Variants in ZNF831 observed in about 807,000 individuals in gnomAD.
ZNF831 encodes the protein chromosome 20 open reading frame 174.
ZNF831 carries 59 observed loss-of-function variants against 95.8 expected under a neutral mutation model. The ratio of observed to expected loss-of-function variants is 0.62; its 90% CI spans 0.50 to 0.77. The LOEUF (loss-of-function observed/expected upper bound fraction) is 0.77. Among genes scored for constraint, ZNF831 ranks in the 30% least tolerant of loss-of-function variants. The probability of loss-of-function intolerance (pLI) is 0.00; values close to 1 mark genes in which losing one functional copy is unlikely to be tolerated. For synonymous variants in ZNF831, 961 were observed against 925.5 expected, an observed-to-expected ratio of 1.04 and a Z score of -0.70; for missense variants, 2,205 against 2,164.0, an observed-to-expected ratio of 1.02 and a Z score of -0.38.
chr20:59,238,874 G>A (rs979418127), intron 4 of ZNF831, among the ~76,000 whole-genome samples: 11 of 152,108 alleles, frequency 7.2e-5, no homozygotes, highest in Middle Eastern at 3.2e-3. Flanking sequence ...TCATAATCAC[G>A]AAGCATACTT....
At chr20:59,189,491 G>GT (rs1403849698) in intron 1 of ZNF831, among the ~76,000 whole-genome samples, 1 of 152,044 alleles carries the variant, frequency 6.6e-6, no homozygotes, top group Non-Finnish European at 1.5e-5. Context: ...CTACTTCTAT[G>GT]TTTTTTATTA....
chr20:59,237,312 T>G (rs968352803), intron 4 of ZNF831, among the ~76,000 whole-genome samples: 1 of 152,152 alleles, frequency 6.6e-6, no homozygotes, highest in African/African-American at 2.4e-5. Flanking sequence ...GGATGCTGGT[T>G]TTCTCCACAG....
At chr20:59,184,397 T>TC (rs1982846387) in intron 1 of ZNF831, among the ~76,000 whole-genome samples, 1 of 150,152 alleles carries the variant, frequency 6.7e-6, no homozygotes, top group Non-Finnish European at 1.5e-5. Flanking sequence ...TAGTTCCTCT[T>TC]CCTCCCTCCC....
At chr20:59,133,784 A>G (rs546065879) in intron 1 of ZNF831, among the ~76,000 whole-genome samples, 17 of 152,326 alleles carry the variant, frequency 1.1e-4, no homozygotes, top group African/African-American at 4.1e-4. Context: ...GCTCAGCGGC[A>G]AGGACGAGCC....
At chr20:59,219,754 A>C (rs1026054626) in intron 4 of ZNF831, among the ~76,000 whole-genome samples, 2 of 152,178 alleles carry the variant, frequency 1.3e-5, no homozygotes, top group African/African-American at 2.4e-5. Context: ...TGGAGCACTT[A>C]ACTACTATGT....
chr20:59,140,489 T>A (rs1258733497), intron 1 of ZNF831, among the ~76,000 whole-genome samples: 1 of 139,462 alleles, frequency 7.2e-6, no homozygotes, highest in East Asian at 1.9e-4. Context: ...ATCACCTGAC[T>A]ACTATTAATA....
At chr20:59,216,427 T>C (rs1985684015) in intron 4 of ZNF831, among the ~76,000 whole-genome samples, 1 of 152,196 alleles carries the variant, frequency 6.6e-6, no homozygotes, top group Admixed American at 6.5e-5. Flanking sequence ...TCTTATTGAT[T>C]GATTGACTGA....
At chr20:59,190,798 G>A (rs949092425) in intron 1 of ZNF831, among the ~76,000 whole-genome samples, 186 bp from the exon 2 acceptor site, 1 of 152,166 alleles carries the variant, frequency 6.6e-6, no homozygotes, top group South Asian at 2.1e-4. Flanking sequence ...AAGTTACTTC[G>A]CTGTCTGAGC....
chr20:59,158,129 C>A (rs1246991712), intron 2 of ZNF831, among the ~76,000 whole-genome samples: 1 of 152,222 alleles, frequency 6.6e-6, no homozygotes, highest in East Asian at 1.9e-4. Context: ...CCCTGCTCTC[C>A]TCTGGCTTTG....
At chr20:59,178,935 C>T (rs555945054) in intron 1 of ZNF831, among the ~76,000 whole-genome samples, 4 of 152,196 alleles carry the variant, frequency 2.6e-5, no homozygotes, top group Admixed American at 1.3e-4. Flanking sequence ...CTTTTAAACA[C>T]TCTATCAAAT....
At position 59,254,917 on chromosome 20, in the gene ZNF831, G is replaced by T; in HGVS notation, c.*174G>T. 1.2e-6 allele frequency: 1 copy of T among 821,276 alleles called. No homozygotes were observed. Among genetic ancestry groups the T allele is most frequent in the Non-Finnish European group, 1.9e-6 (1 of 539,516 alleles). The allele number at this position is 821,276 out of a possible 1,614,324, so 50.9% of individuals were successfully genotyped here. On this transcript the variant is annotated 3_prime_UTR_variant, in exon 6 of 6. Transcript: ENST00000371030. This position sits in a 1 kb window ranked among gnomAD's most constrained non-coding sequence, Gnocchi z 4.5. ...CCAACTTCTGACCCCCAACTCAGCC[G>T]CAGCGTTCCCCAGCTCCCCTTGGGA...
rs761387353 is a variant in ZNF831, at chr20:59,192,574, C to T, written c.1555C>T (p.Pro519Ser). ...CGAGGGCTCCAGGACGTGGCTGGAG[C>T]CCAGGGAGCCCCGGGACCCCTGGTC... ...FVEGSRTWLEPREPRDPWSRT... is the reference protein window; with the variant it reads ...FVEGSRTWLESREPRDPWSRT... Residue 519 changes from proline to serine, a missense_variant, in exon 2 of 6, where the codon CCC becomes TCC. Transcript: ENST00000371030. This position sits in a 1 kb window ranked among gnomAD's most constrained non-coding sequence, Gnocchi z 5.2. 1.3e-6 allele frequency: 2 copies of T among 1,516,132 alleles called. No individual in the cohort carries two copies. Among genetic ancestry groups the T allele is most frequent in the Non-Finnish European group, 1.8e-6 (2 of 1,135,648 alleles). 93.9% of individuals were successfully genotyped at this position (1,516,132 alleles called of 1,614,324 possible).
intron 1 of ZNF831, among the ~76,000 whole-genome samples, chr20:59,143,257 A>G (rs898119285): frequency 5.9e-5 from 9 of 152,196 alleles, no homozygotes; most frequent in African/African-American, 2.2e-4. Flanking sequence ...GCTCAAATAC[A>G]CAACCATTGC....
intron 4 of ZNF831, among the ~76,000 whole-genome samples, chr20:59,249,561 G>A (rs1987784053): frequency 6.6e-6 from 1 of 152,160 alleles, no homozygotes; most frequent in Admixed American, 6.5e-5. Context: ...AGGGGCCCAG[G>A]ATGTGGTTGT....
intron 1 of ZNF831, among the ~76,000 whole-genome samples, chr20:59,125,681 G>A (rs1979150981): frequency 6.6e-6 from 1 of 152,160 alleles, no homozygotes; most frequent in African/African-American, 2.4e-5. Flanking sequence ...AAAAGCTCAG[G>A]GAGGAAGGTG....
chr20:59,209,494 A>T (rs1465223523), intron 4 of ZNF831, among the ~76,000 whole-genome samples: 2 of 152,164 alleles, frequency 1.3e-5, no homozygotes, highest in Non-Finnish European at 2.9e-5. Flanking sequence ...GGTCAAGAAG[A>T]GGGAACATGG....
chr20:59,222,417 G>A (rs904660671), intron 4 of ZNF831, among the ~76,000 whole-genome samples: 1 of 152,120 alleles, frequency 6.6e-6, no homozygotes, highest in Non-Finnish European at 1.5e-5. Flanking sequence ...CAAAGCCCGG[G>A]CCCCCTCCGC....
intron 1 of ZNF831, among the ~76,000 whole-genome samples, chr20:59,180,066 A>G (rs1982494267): frequency 6.6e-6 from 1 of 152,028 alleles, no homozygotes; most frequent in African/African-American, 2.4e-5. Flanking sequence ...CTCATAAACA[A>G]TATCTGGCTT....
chr20:59,131,308 G>A (rs1006281412), intron 1 of ZNF831, among the ~76,000 whole-genome samples: 2 of 152,166 alleles, frequency 1.3e-5, no homozygotes. Flanking sequence ...CGGAGGACAG[G>A]AACCACACTC....
Sources: allele counts gnomAD v4.1 joint callset (sites outside exome capture counted in the v4.1 genomes callset), GRCh38; gene constraint gnomAD v4.1.1; non-coding constraint Gnocchi (gnomAD v3.1); transcripts MANE v1.5; gene names NCBI Gene and HGNC (gene_info 2026-07-23, HGNC 2026-07-21).